GRIN2B: variants seen among roughly 807,000 people sequenced by gnomAD.
The protein encoded by GRIN2B is glutamate receptor ionotropic, NMDA 2B.
In GRIN2B, 5 loss-of-function variants were observed where a neutral mutation model predicts 114.5. The observed-to-expected ratio is 0.04, with a 90% CI of 0.02 to 0.09. The LOEUF (loss-of-function observed/expected upper bound fraction) is 0.09. GRIN2B is among the 10% of genes least tolerant of loss of function. The pLI, the probability that GRIN2B is intolerant of heterozygous loss-of-function variation, is 1.00. For synonymous variants in GRIN2B, 787 were observed against 745.1 expected (o/e 1.06, Z -0.92); for missense variants, 1,108 against 1,943.5 (o/e 0.57, Z 8.08).
At chr12:13,841,408 G>T (rs1290214853) in intron 3 of GRIN2B, among the ~76,000 whole-genome samples, 1 of 152,080 alleles carries the variant, frequency 6.6e-6, no homozygotes, top group Non-Finnish European at 1.5e-5. Flanking sequence ...GAAATAAAAG[G>T]CTCGCTAAAG....
At chr12:13,945,532 T>C (rs1867348282) in intron 2 of GRIN2B, among the ~76,000 whole-genome samples, 2 of 152,172 alleles carry the variant, frequency 1.3e-5, no homozygotes, top group Non-Finnish European at 2.9e-5. Flanking sequence ...TTCCTGTGAA[T>C]ACAATGGCAG....
intron 5 of GRIN2B, among the ~76,000 whole-genome samples, chr12:13,633,913 G>A (rs1949640713): frequency 6.7e-6 from 1 of 149,700 alleles, no homozygotes; most frequent in East Asian, 2.0e-4. Context: ...CACAGCTGCT[G>A]ACAGGAGGAA....
chr12:13,856,306 G>A (rs757527426), intron 3 of GRIN2B, among the ~76,000 whole-genome samples: 5 of 152,182 alleles, frequency 3.3e-5, no homozygotes, highest in Middle Eastern at 3.2e-3. Flanking sequence ...TGGAGAGGTG[G>A]CCTGGGACCA....
In GRIN2B at chr12:13,555,960, G is replaced by A. The variant is rs888780089; in HGVS notation, c.*6823C>T. 1 of 152,234 alleles carries A rather than the reference G, an allele frequency of 6.6e-6. No individual in the cohort carries two copies. The highest frequency in any genetic ancestry group is 2.4e-5 in the African/African-American group (1 of 41,442). The allele number at this position is 152,234 out of a possible 1,614,324, so 9.4% of individuals were successfully genotyped here. On this transcript the variant is annotated 3_prime_UTR_variant, in exon 14 of 14. Coordinates refer to ENST00000609686, the MANE Select transcript of GRIN2B (RefSeq NM_000834.5). ...GGATGCAGTTAGCTAAGCATGGTTG[G>A]TGTAGTGAGATGGCAAGAGGAAAAA...
chr12:13,715,295 A>G (rs1381508174), intron 4 of GRIN2B, among the ~76,000 whole-genome samples: 1 of 151,946 alleles, frequency 6.6e-6, no homozygotes, highest in Non-Finnish European at 1.5e-5. Flanking sequence ...TAGTGCAGAC[A>G]TGGCAGAAAG....
intron 4 of GRIN2B, among the ~76,000 whole-genome samples, chr12:13,702,515 C>T (rs4763357): frequency 0.89 from 135,809 of 152,128 alleles, 61,962 homozygotes; most frequent in East Asian, 1. Flanking sequence ...CTGTGATAAG[C>T]GGCTATCAAC....
At chr12:13,960,218 T>C (rs1171329927) in intron 2 of GRIN2B, among the ~76,000 whole-genome samples, 1 of 152,152 alleles carries the variant, frequency 6.6e-6, no homozygotes, top group African/African-American at 2.4e-5. Flanking sequence ...GGGTTAGAGG[T>C]AATATTGATA....
At chr12:13,699,761 G>A (rs1000584368) in intron 4 of GRIN2B, among the ~76,000 whole-genome samples, 1 of 151,710 alleles carries the variant, frequency 6.6e-6, no homozygotes, top group Non-Finnish European at 1.5e-5. Flanking sequence ...GCTAATTTTT[G>A]TATTTTTAGT....
intron 3 of GRIN2B, among the ~76,000 whole-genome samples, chr12:13,830,880 G>T (rs879932452): frequency 6.6e-6 from 1 of 152,152 alleles, no homozygotes; most frequent in African/African-American, 2.4e-5. Flanking sequence ...GGTACATATG[G>T]AAAAATGCAA....
At chr12:13,631,430 T>G (rs1949614927) in intron 5 of GRIN2B, among the ~76,000 whole-genome samples, 1 of 151,990 alleles carries the variant, frequency 6.6e-6, no homozygotes, top group African/African-American at 2.4e-5. Flanking sequence ...TGAGAGAAAC[T>G]AAGGTGAAAA....
chr12:13,743,831 G>A (rs747247475), intron 4 of GRIN2B, among the ~76,000 whole-genome samples: 3 of 152,112 alleles, frequency 2.0e-5, no homozygotes, highest in East Asian at 1.9e-4. Context: ...GATGAACAAC[G>A]AAATTTTTGA....
intron 3 of GRIN2B, among the ~76,000 whole-genome samples, chr12:13,864,450 G>A (rs1015374579): frequency 1.3e-5 from 2 of 152,192 alleles, no homozygotes; most frequent in Non-Finnish European, 2.9e-5. Flanking sequence ...AGGTTTGAAT[G>A]TGGTGATAAA....
chr12:13,589,107 C>A (rs79174413), intron 10 of GRIN2B, among the ~76,000 whole-genome samples: 7,927 of 152,200 alleles, frequency 0.052, 283 homozygotes, highest in East Asian at 0.17. Flanking sequence ...TCACATTTAA[C>A]TCGGTGTCCT....
chr12:13,840,492 C>T (rs1367813733), intron 3 of GRIN2B, among the ~76,000 whole-genome samples: 1 of 152,114 alleles, frequency 6.6e-6, no homozygotes, highest in East Asian at 1.9e-4. Flanking sequence ...AACAACTCAA[C>T]ATCTCTGGGC....
At chr12:13,685,184 CCTCT>C (rs1950166471) in intron 4 of GRIN2B, among the ~76,000 whole-genome samples, 1 of 152,186 alleles carries the variant, frequency 6.6e-6, no homozygotes, top group African/African-American at 2.4e-5. Flanking sequence ...CTTTCTGTAG[CCTCT>C]CTCTACTTCC....
intron 10 of GRIN2B, among the ~76,000 whole-genome samples, chr12:13,604,287 G>T (rs978359834): frequency 2.0e-5 from 3 of 152,220 alleles, no homozygotes; most frequent in Non-Finnish European, 2.9e-5. Flanking sequence ...CCGCAAAATG[G>T]AAGCCTTCCA....
At chr12:13,770,277 T>C (rs751189064) in intron 3 of GRIN2B, among the ~76,000 whole-genome samples, 11 of 152,258 alleles carry the variant, frequency 7.2e-5, no homozygotes, top group African/African-American at 2.2e-4. Context: ...TTCCAAATCA[T>C]TGGGTGTTTC....
At chr12:13,688,719 T>C (rs987231609) in intron 4 of GRIN2B, among the ~76,000 whole-genome samples, 2 of 152,202 alleles carry the variant, frequency 1.3e-5, no homozygotes, top group African/African-American at 4.8e-5. Context: ...GTTTGGTTAA[T>C]AGTGACAAAA....
intron 3 of GRIN2B, among the ~76,000 whole-genome samples, chr12:13,813,931 A>G (rs1445389439): frequency 6.6e-6 from 1 of 152,220 alleles, no homozygotes; most frequent in Non-Finnish European, 1.5e-5. Flanking sequence ...AATAGTCTGT[A>G]TGCTTCTGTG....
Sources: gnomAD v4.1 joint callset for allele counts (sites outside exome capture counted in the v4.1 genomes callset) on GRCh38, gnomAD v4.1.1 for gene constraint, MANE v1.5 for transcripts, NCBI Gene and HGNC (gene_info 2026-07-23, HGNC 2026-07-21) for gene names.